Variants in RAD51B observed in about 807,000 individuals in gnomAD.
The protein encoded by RAD51B is DNA repair protein RAD51 homolog 2.
Under a neutral mutation model 42.2 loss-of-function variants are expected in RAD51B, and 38 were observed. The observed-to-expected ratio is 0.90, with a 90% CI of 0.70 to 1.18. The LOEUF is 1.18. Ranked by LOEUF, RAD51B falls within the 50% of genes most tolerant of loss-of-function variation. The probability of loss-of-function intolerance (pLI) is 0.00; values close to 1 mark genes in which losing one functional copy is unlikely to be tolerated. For synonymous variants in RAD51B, 154 were observed against 145.2 expected (o/e 1.06, Z -0.43); for missense variants, 373 against 400.7 (o/e 0.93, Z 0.59).
intron 4 of RAD51B, among the ~76,000 whole-genome samples, chr14:67,840,150 C>T (rs1252883794): frequency 2.0e-5 from 3 of 152,114 alleles, no homozygotes; most frequent in African/African-American, 7.2e-5. Flanking sequence ...ATTTTAGGTT[C>T]AGGGGGTATA....
chr14:68,133,359 TA>T (rs977327202), intron 7 of RAD51B, among the ~76,000 whole-genome samples: 119 of 152,364 alleles, frequency 7.8e-4, no homozygotes, highest in African/African-American at 2.8e-3. Flanking sequence ...GAAAATGTTT[TA>T]TTTTCTAAAA....
At chr14:68,564,145 C>A (rs1344670663) in intron 10 of RAD51B, among the ~76,000 whole-genome samples, 14 of 152,212 alleles carry the variant, frequency 9.2e-5, no homozygotes, top group Non-Finnish European at 1.9e-4. Context: ...AGGCTAGGCC[C>A]TCATCAGTTT....
intron 10 of RAD51B, among the ~76,000 whole-genome samples, chr14:68,486,627 T>C (rs1566909983): frequency 6.6e-6 from 1 of 152,200 alleles, no homozygotes; most frequent in Admixed American, 6.5e-5. Context: ...AAGCTTAAAA[T>C]GAAGCAAATT....
chr14:67,887,328 G>A, intron 7 of RAD51B, 124 bp downstream of exon 7: 1 of 793,154 alleles, frequency 1.3e-6, no homozygotes, highest in Non-Finnish European at 2.0e-6. Context: ...ACTTTTTAAA[G>A]GTAGTACAGT....
chr14:68,534,753 C>G lies in RAD51B; in HGVS notation c.1037-59732C>G, dbSNP rs72729512. Among the ~76,000 whole-genome samples the G allele has an allele frequency of 2.8e-3, 427 of 152,200 alleles. 2 individuals carry two copies. The highest frequency in any genetic ancestry group is 4.9e-3 in the Non-Finnish European group (335 of 67,994). Reference sequence around the variant, plus strand: ...TCATCTGTCCTCCCGCTCCCACCCCCCCTAGATTGTAAATTCCACAAGGGT... The same window carrying G: ...TCATCTGTCCTCCCGCTCCCACCCCGCCTAGATTGTAAATTCCACAAGGGT... On this transcript the variant is annotated intron_variant, in intron 10 of 10. Transcript: ENST00000487270.
At chr14:67,939,864 C>T (rs1001354089) in intron 7 of RAD51B, among the ~76,000 whole-genome samples, 1 of 150,498 alleles carries the variant, frequency 6.6e-6, no homozygotes, top group African/African-American at 2.5e-5. Context: ...TTTGGGAGGA[C>T]ACAAACATTT....
At chr14:68,171,987 G>A (rs529376361) in intron 7 of RAD51B, among the ~76,000 whole-genome samples, 41 of 152,322 alleles carry the variant, frequency 2.7e-4, no homozygotes, top group African/African-American at 9.9e-4. Context: ...GATTACAGGT[G>A]TGAGCCACCA....
At chr14:68,289,008 T>G (rs2081465647) in intron 7 of RAD51B, among the ~76,000 whole-genome samples, 1 of 152,212 alleles carries the variant, frequency 6.6e-6, no homozygotes, top group South Asian at 2.1e-4. Flanking sequence ...ACTATATTTT[T>G]CTTACTAAGA....
At chr14:68,202,862 A>G (rs973751369) in intron 7 of RAD51B, among the ~76,000 whole-genome samples, 4 of 152,234 alleles carry the variant, frequency 2.6e-5, no homozygotes, top group East Asian at 1.9e-4. Flanking sequence ...GATTACAAGC[A>G]TGAGCCACTG....
chr14:67,865,139 G>A lies in RAD51B; in HGVS notation c.452G>A (p.Arg151Lys). 1 of 1,587,730 alleles carries A rather than the reference G, an allele frequency of 6.3e-7. No homozygotes were observed. The highest frequency in any genetic ancestry group is 2.3e-5 in the East Asian group (1 of 44,304). ...ACAGAGTCTGCATTTAGTGCTGAAA[G>A]GTATGAGATTTTATTTTCTATTATA... ...IDTESAFSAE[R>K]LVEIAESRFP... The change falls in exon 5 of 11, where the codon AGA becomes AAA. Residue 151 changes from arginine (R) to lysine (K), a missense_variant and splice_region_variant. By Grantham distance (26) the Arg-to-Lys change is conservative. Coordinates refer to ENST00000471583, the MANE Select transcript of RAD51B (RefSeq NM_133510.4).
chr14:68,421,614 T>C, intron 9 of RAD51B: 1 of 1,059,192 alleles, frequency 9.4e-7, no homozygotes, highest in Non-Finnish European at 1.4e-6. Flanking sequence ...GATTCTAGGA[T>C]ACTGCGAGCA....
intron 11 of RAD51B, among the ~76,000 whole-genome samples, chr14:68,678,295 G>A (rs1189018451): frequency 6.6e-6 from 1 of 152,058 alleles, no homozygotes; most frequent in African/African-American, 2.4e-5. Context: ...TTACCTCCTC[G>A]GTTTACCCTT....
intron 7 of RAD51B, among the ~76,000 whole-genome samples, chr14:68,272,666 T>TATATATATATA (rs58623449): frequency 0.013 from 64 of 4,924 alleles, no homozygotes; most frequent in East Asian, 0.019. Context: ...TATATATATA[T>TATATATATATA]TTTTTTTTTT....
chr14:68,468,027 G>C, intron 9 of RAD51B, 145 bp from the exon 10 acceptor site: 1 of 678,536 alleles, frequency 1.5e-6, no homozygotes, highest in Non-Finnish European at 2.5e-6. Context: ...TAAACATTGG[G>C]TTATAAAATG....
rs186574810 is a variant in RAD51B at position 68,277,543 on chromosome 14, C to T, written c.757-14341C>T. ...GGCAAGTCACTTTTTCTCTCTGATACGGAAAGAGATATAATATATACCTTA... is the reference window on the plus strand; with the variant it reads ...GGCAAGTCACTTTTTCTCTCTGATATGGAAAGAGATATAATATATACCTTA... On this transcript the variant is annotated intron_variant, in intron 7 of 10. Coordinates refer to ENST00000471583, the MANE Select transcript of RAD51B (RefSeq NM_133510.4). Among the ~76,000 whole-genome samples, 250 of 151,990 alleles carry T rather than the reference C, an allele frequency of 1.6e-3. No homozygotes were observed. In the Middle Eastern group the frequency reaches 0.027, roughly 17 times the overall value.
chr14:68,244,040 C>T (rs2080443955), intron 7 of RAD51B, among the ~76,000 whole-genome samples: 1 of 151,960 alleles, frequency 6.6e-6, no homozygotes, highest in Non-Finnish European at 1.5e-5. Flanking sequence ...TTCTATCAAC[C>T]AGTGTTATCT....
chr14:68,023,925 T>C (rs528660551), intron 7 of RAD51B, among the ~76,000 whole-genome samples: 3 of 152,292 alleles, frequency 2.0e-5, no homozygotes, highest in South Asian at 4.1e-4. Context: ...TTTGCCCAGG[T>C]TGATATCAAG....
chr14:67,962,511 C>T (rs914479425), intron 7 of RAD51B, among the ~76,000 whole-genome samples: 2 of 152,126 alleles, frequency 1.3e-5, no homozygotes, highest in African/African-American at 4.8e-5. Context: ...AGACTGGCCT[C>T]AGACTTCACA....
At chr14:68,570,519 A>C (rs190261203) in intron 10 of RAD51B, among the ~76,000 whole-genome samples, 1 of 152,330 alleles carries the variant, frequency 6.6e-6, no homozygotes, top group East Asian at 1.9e-4. Flanking sequence ...ACTGTTTACT[A>C]AACACTCTAT....
Sources: gnomAD v4.1 joint callset for allele counts (sites outside exome capture counted in the v4.1 genomes callset) on GRCh38, gnomAD v4.1.1 for gene constraint, MANE v1.5 for transcripts, NCBI Gene and HGNC (gene_info 2026-07-23, HGNC 2026-07-21) for gene names.